Variants in NTRK3 observed in about 807,000 individuals in gnomAD.
NTRK3 encodes NT-3 growth factor receptor.
A neutral mutation model predicts 91.7 loss-of-function variants in NTRK3; 24 were observed. The observed-to-expected ratio is 0.26, with a 90% CI of 0.19 to 0.37. The LOEUF is 0.37. Among genes scored for constraint, NTRK3 ranks in the 10% least tolerant of loss-of-function variants. The pLI is 1.00. For synonymous variants in NTRK3, 483 were observed against 404.0 expected, an observed-to-expected ratio of 1.20 and a Z score of -2.34; for missense variants, 880 against 1,068.9, an observed-to-expected ratio of 0.82 and a Z score of 2.46.
intron 11 of NTRK3, among the ~76,000 whole-genome samples, 179 bp from the exon 12 acceptor site, chr15:88,127,405 C>G (rs2053406690): frequency 6.6e-6 from 1 of 152,066 alleles, no homozygotes; most frequent in South Asian, 2.1e-4. Flanking sequence ...CCCCCACAGA[C>G]CAGGTTCCTA....
chr15:87,988,183 G>T (rs974755084), intron 14 of NTRK3, among the ~76,000 whole-genome samples: 1 of 152,200 alleles, frequency 6.6e-6, no homozygotes, highest in Non-Finnish European at 1.5e-5. Flanking sequence ...GATGAGAATG[G>T]CCTTTCACCT....
chr15:88,088,226 T>C (rs1299608040), intron 13 of NTRK3, among the ~76,000 whole-genome samples: 1 of 151,786 alleles, frequency 6.6e-6, no homozygotes, highest in African/African-American at 2.4e-5. Flanking sequence ...CCCCAAGGAG[T>C]TGTTGAGAGA....
chr15:88,125,827 T>C (rs1377690360), intron 13 of NTRK3, among the ~76,000 whole-genome samples: 1 of 152,176 alleles, frequency 6.6e-6, no homozygotes, highest in Non-Finnish European at 1.5e-5. Context: ...CATGGGCAGC[T>C]TTTCAATGCC....
At chr15:87,928,960 A>G in intron 17 of NTRK3, 1 of 621,864 alleles carries the variant, frequency 1.6e-6, no homozygotes, top group Non-Finnish European at 2.8e-6. Flanking sequence ...CAATGTACAG[A>G]TTACAGTTCA....
At chr15:88,183,354 C>T (rs1053562112) in intron 5 of NTRK3, 64 bp downstream of exon 5, 16 of 1,556,142 alleles carry the variant, frequency 1.0e-5, no homozygotes, top group South Asian at 3.3e-5. Flanking sequence ...CTCAGGTCTC[C>T]GGTTTCACTG....
chr15:87,964,853 G>A (rs754568310), intron 14 of NTRK3, among the ~76,000 whole-genome samples: 2 of 152,104 alleles, frequency 1.3e-5, no homozygotes, highest in Non-Finnish European at 2.9e-5. Flanking sequence ...TCCATTCTAT[G>A]GTTACACCAC....
intron 14 of NTRK3, among the ~76,000 whole-genome samples, chr15:87,959,927 C>T (rs1476358215): frequency 2.0e-5 from 3 of 152,186 alleles, no homozygotes; most frequent in African/African-American, 7.2e-5. Flanking sequence ...GTTGAATTCT[C>T]AGACATGTGG....
At chr15:88,254,917 GA>G (rs2053850082) in intron 3 of NTRK3, among the ~76,000 whole-genome samples, 1 of 152,190 alleles carries the variant, frequency 6.6e-6, no homozygotes, top group Non-Finnish European at 1.5e-5. Flanking sequence ...GTCAACGAAA[GA>G]AAAGAGGAGC....
intron 17 of NTRK3, among the ~76,000 whole-genome samples, chr15:87,899,792 C>T (rs1040894945): frequency 7.2e-5 from 11 of 152,152 alleles, no homozygotes; most frequent in African/African-American, 2.2e-4. Flanking sequence ...ACAAGTCCTT[C>T]GCAGGCTACA....
At chr15:88,168,415 C>T (rs2045194500) in intron 5 of NTRK3, among the ~76,000 whole-genome samples, 1 of 152,144 alleles carries the variant, frequency 6.6e-6, no homozygotes, top group Non-Finnish European at 1.5e-5. Context: ...TGCTGGGGAT[C>T]AGGGCTGGGA....
At chr15:88,172,716 A>G (rs917912767) in intron 5 of NTRK3, among the ~76,000 whole-genome samples, 5 of 152,248 alleles carry the variant, frequency 3.3e-5, no homozygotes, top group Admixed American at 1.3e-4. Flanking sequence ...TGGCCATGTT[A>G]TCTGGCCCTG....
intron 5 of NTRK3, among the ~76,000 whole-genome samples, chr15:88,176,136 C>CTTTT (rs139583264): frequency 0.2 from 23,368 of 115,576 alleles, 2,545 homozygotes; most frequent in South Asian, 0.24. Flanking sequence ...TATGCCCCTT[C>CTTTT]TTTTTTTTTT....
At chr15:88,112,414 G>C (rs1241641348) in intron 13 of NTRK3, among the ~76,000 whole-genome samples, 1 of 152,228 alleles carries the variant, frequency 6.6e-6, no homozygotes, top group Non-Finnish European at 1.5e-5. Context: ...ATGAGCCCCA[G>C]AGGCTGAATT....
intron 13 of NTRK3, among the ~76,000 whole-genome samples, chr15:88,081,678 C>T (rs2048055261): frequency 6.6e-6 from 1 of 152,170 alleles, no homozygotes; most frequent in Non-Finnish European, 1.5e-5. Flanking sequence ...CTCTTCATGT[C>T]AAAATGGCGC....
chr15:88,089,372 T>C (rs952683641), intron 13 of NTRK3, among the ~76,000 whole-genome samples: 5 of 152,168 alleles, frequency 3.3e-5, no homozygotes, highest in East Asian at 1.9e-4. Flanking sequence ...TAATCAGAGA[T>C]GTACGTGGAG....
chr15:87,902,869 G>T (rs1242053156), intron 17 of NTRK3, among the ~76,000 whole-genome samples: 1 of 152,108 alleles, frequency 6.6e-6, no homozygotes, highest in Non-Finnish European at 1.5e-5. Context: ...TGCCCAGCTA[G>T]GATGAAACTA....
At chr15:88,178,441 A>G (rs1484413758) in intron 5 of NTRK3, among the ~76,000 whole-genome samples, 2 of 152,170 alleles carry the variant, frequency 1.3e-5, no homozygotes, top group African/African-American at 4.8e-5. Flanking sequence ...TCTCTTTGCA[A>G]ACATAACACA....
chr15:88,238,971 G>A (rs1174399701), intron 3 of NTRK3, among the ~76,000 whole-genome samples: 2 of 152,206 alleles, frequency 1.3e-5, no homozygotes, highest in East Asian at 1.9e-4. Flanking sequence ...TCTGTCAGAC[G>A]AGAGCAGTTC....
intron 6 of NTRK3, among the ~76,000 whole-genome samples, chr15:88,138,194 G>C (rs1170248029): frequency 6.6e-6 from 1 of 151,910 alleles, no homozygotes; most frequent in Non-Finnish European, 1.5e-5. Flanking sequence ...ACAAGGTCAG[G>C]AGATCGAGAC....
Sources: gnomAD v4.1 joint callset for allele counts (sites outside exome capture counted in the v4.1 genomes callset) on GRCh38, gnomAD v4.1.1 for gene constraint, MANE v1.5 for transcripts, NCBI Gene and HGNC (gene_info 2026-07-23, HGNC 2026-07-21) for gene names.